The following ZNF813 variants were observed in gnomAD, a reference collection of about 807,000 sequenced individuals.
The protein encoded by ZNF813 is zinc finger protein 813.
A neutral mutation model predicts 7.2 loss-of-function variants in ZNF813; 3 were observed. The observed-to-expected ratio is 0.42, with a 90% CI of 0.19 to 1.08. The LOEUF (loss-of-function observed/expected upper bound fraction) is 1.08, where lower values mean the gene tolerates loss of function less well. ZNF813 is among the 50% of genes least tolerant of loss of function. The pLI, the probability that ZNF813 is intolerant of heterozygous loss-of-function variation, is 0.30. For missense variants in ZNF813, 714 were observed against 753.3 expected, an observed-to-expected ratio of 0.95 and a Z score of 0.61; for synonymous variants, 227 against 256.3, an observed-to-expected ratio of 0.89 and a Z score of 1.09.
intron 2 of ZNF813, 104 bp downstream of exon 2, chr19:53,483,941 G>A (rs2086421216): frequency 6.2e-7 from 1 of 1,601,872 alleles, no homozygotes; most frequent in Non-Finnish European, 8.5e-7. Context: ...TGCCTGACAG[G>A]TTTGCTCACA....
intron 3 of ZNF813, among the ~76,000 whole-genome samples, chr19:53,489,636 C>T (rs1257654366): frequency 2.0e-5 from 3 of 152,056 alleles, no homozygotes; most frequent in Non-Finnish European, 4.4e-5. Flanking sequence ...TTTAAAAGAA[C>T]GTCATAACGT....
chr19:53,491,125 C>T lies in ZNF813; in HGVS notation c.893C>T (p.Pro298Leu), dbSNP rs374486164. The stretch of plus-strand genomic sequence containing the variant: ...CGTAGACTTCATACTGGAGAGAAAC[C>T]TTACAAATGTGAAGAATGTGACAAA... ...CHRRLHTGEK[P>L]YKCEECDKAF... The change falls in exon 4 of 4, where the codon CCT becomes CTT. Residue 298 changes from proline to leucine, a missense_variant. Pro to Leu is a moderately conservative substitution (Grantham distance 98, BLOSUM62 -3). Around this residue, in one of 3 missense-constraint regions of ZNF813, gnomAD observed 563 missense variants for 554.2 expected, o/e 1.02. Transcript: ENST00000396403. 1 of 1,613,948 alleles carries T rather than the reference C, an allele frequency of 6.2e-7. No homozygotes were observed. Among genetic ancestry groups the T allele is most frequent in the African/African-American group, 1.3e-5 (1 of 74,892 alleles).
intron 1 of ZNF813, among the ~76,000 whole-genome samples, chr19:53,476,352 C>G (rs576108837): frequency 2.0e-5 from 3 of 151,664 alleles, no homozygotes; most frequent in African/African-American, 7.3e-5. Context: ...GGGAGAGAAC[C>G]GGGCATGGTG....
At chr19:53,479,444 G>A (rs1418860979) in intron 1 of ZNF813, 3 of 1,535,192 alleles carry the variant, frequency 2.0e-6, no homozygotes, top group African/African-American at 2.7e-5. Flanking sequence ...CACCTCCAGT[G>A]AGAAGCTGAG....
chr19:53,477,418 T>A (rs1238217967), intron 1 of ZNF813, among the ~76,000 whole-genome samples: 2 of 146,098 alleles, frequency 1.4e-5, no homozygotes, highest in Admixed American at 7.1e-5. Flanking sequence ...GGCGCATGAT[T>A]TACAGCTAAC....
intron 1 of ZNF813, among the ~76,000 whole-genome samples, chr19:53,470,557 T>A (rs540729996): frequency 8.2e-6 from 1 of 122,374 alleles, no homozygotes; most frequent in Non-Finnish European, 1.7e-5. Flanking sequence ...GTTGATTGAA[T>A]GTTCCTTAAC....
At position 53,492,097 on chromosome 19, in the gene ZNF813, T is replaced by C. The variant is rs1453491140; in HGVS notation, c.*11T>C. 1.2e-6 allele frequency: 2 copies of C among 1,604,734 alleles called. No homozygotes were observed. The highest frequency in any genetic ancestry group is 1.7e-6 in the Non-Finnish European group (2 of 1,175,230). ...AAAGCTTTTAATTGAAAAGCAAAGC[T>C]TGCACATCATCATACAATTCATACT... On this transcript the variant is annotated 3_prime_UTR_variant, in exon 4 of 4. Coordinates refer to ENST00000396403, the MANE Select transcript of ZNF813 (RefSeq NM_001004301.4).
intron 1 of ZNF813, among the ~76,000 whole-genome samples, chr19:53,478,799 AAAAAT>A (rs1483863351): frequency 2.6e-5 from 4 of 152,262 alleles, no homozygotes; most frequent in South Asian, 2.1e-4. Flanking sequence ...CAAGCAAACA[AAAAAT>A]AAAATAAAAA....
chr19:53,480,759 T>C (rs999633770), intron 1 of ZNF813, among the ~76,000 whole-genome samples: 3 of 152,140 alleles, frequency 2.0e-5, no homozygotes, highest in African/African-American at 4.8e-5. Context: ...TAAGTGCATG[T>C]TTCCCTCAAG....
rs1286107980 is a variant in ZNF813 at position 53,494,679 on chromosome 19, C to CT, written c.*2594dup. On this transcript the variant is annotated 3_prime_UTR_variant, in exon 4 of 4. Coordinates refer to ENST00000396403, the MANE Select transcript of ZNF813 (RefSeq NM_001004301.4). ...AAAAGAAAAGAAAAGAAAAGAGACT[C>CT]TATCAAAGCAATATAAATCCTGCTA... 2 of 150,076 alleles carry CT rather than the reference C, an allele frequency of 1.3e-5. No individual in the cohort carries two copies. The highest frequency in any genetic ancestry group is 4.9e-5 in the African/African-American group (2 of 40,622). 9.3% of individuals were successfully genotyped at this position (150,076 alleles called of 1,614,324 possible).
Position 53,493,161 on chromosome 19 carries a change from C to T in ZNF813, c.*1075C>T, listed in dbSNP as rs1344770519. 2.6e-5 allele frequency: 6 copies of T among 227,180 alleles called. No homozygotes were observed. The highest frequency in any genetic ancestry group is 5.3e-5 in the Non-Finnish European group (6 of 112,866). 14.1% of individuals were successfully genotyped at this position (227,180 alleles called of 1,614,324 possible). ...ATCCCAGCACTTTGGGAGGCCAAGG[C>T]GGGTAGATCACTTGAGGTCAGGAGT... On this transcript the variant is annotated 3_prime_UTR_variant, in exon 4 of 4. Transcript: ENST00000396403.
chr19:53,491,577 AG>A lies in ZNF813; in HGVS notation c.1346del (p.Ser449IlefsTer7). 6.2e-7 allele frequency: 1 copy of A among 1,613,472 alleles called. No homozygotes were observed. Among genetic ancestry groups the A allele is most frequent in the Non-Finnish European group, 8.5e-7 (1 of 1,179,624 alleles). On this transcript the variant is annotated frameshift_variant, in exon 4 of 4. Transcript: ENST00000396403. LOFTEE classifies it low-confidence loss of function (END_TRUNC). ...GTGTACTGAGTGTGTCAAGACGTTC[AG>A]TCGAAATTCAGCCCTTGTAATTCAT... ...YKCTECVKTF[S>X]RNSALVIHKA...
At position 53,492,112 on chromosome 19, in the gene ZNF813, C is replaced by G; in HGVS notation, c.*26C>G. ...AAAGCAAAGCTTGCACATCATCATA[C>G]AATTCATACTGGAAAGAAACAAGTG... On this transcript the variant is annotated 3_prime_UTR_variant, in exon 4 of 4. Coordinates refer to ENST00000396403, the MANE Select transcript of ZNF813 (RefSeq NM_001004301.4). 6.3e-7 allele frequency: 1 copy of G among 1,595,020 alleles called. No individual in the cohort carries two copies. Among genetic ancestry groups the G allele is most frequent in the Non-Finnish European group, 8.5e-7 (1 of 1,170,334 alleles).
Position 53,490,462 on chromosome 19 carries a change from A to G in ZNF813, c.230A>G (p.His77Arg), listed in dbSNP as rs750694703. ...ATCCACACAGGGACATTGCAAAGAC[A>G]TGAAAGTCATCACACTGGAGACTTT... is the stretch of plus-strand genomic sequence containing the variant. ...EVIHTGTLQR[H>R]ESHHTGDFRF... The change falls in exon 4 of 4, where the codon CAT (histidine) becomes CGT (arginine). Residue 77 changes from histidine to arginine, a missense_variant. Around this residue, in one of 3 missense-constraint regions of ZNF813, gnomAD observed 563 missense variants for 554.2 expected, o/e 1.02. Transcript: ENST00000396403. The G allele has an allele frequency of 3.1e-6, 5 of 1,614,210 alleles. No individual in the cohort carries two copies. The South Asian group carries it at 3.3e-5, about 11-fold the overall frequency.
intron 2 of ZNF813, among the ~76,000 whole-genome samples, chr19:53,486,103 C>T (rs2086432587): frequency 6.6e-6 from 1 of 152,114 alleles, no homozygotes; most frequent in African/African-American, 2.4e-5. Flanking sequence ...ACGTTGTCAT[C>T]TCTGAAGGCA....
At chr19:53,479,446 G>C in intron 1 of ZNF813, 3 of 1,533,954 alleles carry the variant, frequency 2.0e-6, no homozygotes, top group Non-Finnish European at 2.7e-6. Context: ...CCTCCAGTGA[G>C]AAGCTGAGAG....
Position 53,492,109 on chromosome 19 carries a change from A to G in ZNF813, c.*23A>G, listed in dbSNP as rs1327473267. 3.8e-6 allele frequency: 6 copies of G among 1,595,482 alleles called. No homozygotes were observed. The highest frequency in any genetic ancestry group is 5.1e-6 in the Non-Finnish European group (6 of 1,170,584). ...TGAAAAGCAAAGCTTGCACATCATC[A>G]TACAATTCATACTGGAAAGAAACAA... On this transcript the variant is annotated 3_prime_UTR_variant, in exon 4 of 4. Coordinates refer to ENST00000396403, the MANE Select transcript of ZNF813 (RefSeq NM_001004301.4).
At chr19:53,476,413 G>A (rs183921529) in intron 1 of ZNF813, among the ~76,000 whole-genome samples, 127 of 152,042 alleles carry the variant, frequency 8.4e-4, no homozygotes, top group African/African-American at 3.0e-3. Context: ...GCTGGATCAC[G>A]AGGTCAGGAG....
intron 1 of ZNF813, among the ~76,000 whole-genome samples, chr19:53,481,344 C>CTTTTTTTTTTTTTTTTTTTTTTTTTTTTT (rs66842546): frequency 8.5e-5 from 9 of 106,374 alleles, no homozygotes; most frequent in Non-Finnish European, 1.1e-4. Context: ...CCCATGTATT[C>CTTTTTTTTTTTTTTTTTTTTTTTTTTTTT]TTTTTTTTTT....
Sources: gnomAD v4.1 joint callset for allele counts (sites outside exome capture counted in the v4.1 genomes callset) on GRCh38, gnomAD v4.1.1 for gene constraint, gnomAD v4.1.1 regional missense constraint, MANE v1.5 for transcripts, NCBI Gene and HGNC (gene_info 2026-07-23, HGNC 2026-07-21) for gene names.